SLX4IP: variants seen among roughly 807,000 people sequenced by gnomAD.
SLX4IP encodes the protein protein SLX4IP.
Under a neutral mutation model 32.9 loss-of-function variants are expected in SLX4IP, and 34 were observed. The ratio of observed to expected loss-of-function variants is 1.03; its 90% confidence interval spans 0.79 to 1.38. The LOEUF (loss-of-function observed/expected upper bound fraction) is 1.38, where lower values mean the gene tolerates loss of function less well. Ranked by LOEUF, SLX4IP falls within the 40% of genes most tolerant of loss-of-function variation. SLX4IP has a pLI of 0.00. For missense variants in SLX4IP, 444 were observed against 479.0 expected, an observed-to-expected ratio of 0.93 and a Z score of 0.68; for synonymous variants, 172 against 171.7, an observed-to-expected ratio of 1.00 and a Z score of -0.01.
chr20:10,557,175 C>G (rs116058009), intron 3 of SLX4IP, among the ~76,000 whole-genome samples: 1,638 of 152,136 alleles, frequency 0.011, 32 homozygotes, highest in African/African-American at 0.037. Context: ...TAGTATATGG[C>G]GAAGAAACTA....
intron 1 of SLX4IP, among the ~76,000 whole-genome samples, chr20:10,438,130 G>T (rs34200831): frequency 0.017 from 2,521 of 152,150 alleles, 32 homozygotes; most frequent in Non-Finnish European, 0.027. Flanking sequence ...CAGGGGAAAG[G>T]TATTACAGTT....
chr20:10,519,267 G>A (rs1294906550), intron 2 of SLX4IP, among the ~76,000 whole-genome samples: 1 of 152,106 alleles, frequency 6.6e-6, no homozygotes, highest in Non-Finnish European at 1.5e-5. Context: ...GTAGTTTTTA[G>A]TATCTTCACA....
At position 10,627,029 on chromosome 20, in the gene SLX4IP, G is replaced by A. The variant is rs1896732061; in HGVS notation, c.*3650G>A. 1 of 152,176 alleles carries A rather than the reference G, an allele frequency of 6.6e-6. No individual in the cohort carries two copies. Among genetic ancestry groups the A allele is most frequent in the African/African-American group, 2.4e-5 (1 of 41,428 alleles). The allele number at this position is 152,176 out of a possible 1,614,324, so 9.4% of individuals were successfully genotyped here. On this transcript the variant is annotated 3_prime_UTR_variant, in exon 8 of 8. Transcript: ENST00000334534. ...GCGAGGGCAGAACACATAAGGGAAG[G>A]AAACCTCTGCTCAAGAGAGTGGCCT...
chr20:10,530,131 A>T (rs1303751060), intron 2 of SLX4IP, among the ~76,000 whole-genome samples: 2 of 152,196 alleles, frequency 1.3e-5, no homozygotes, highest in Non-Finnish European at 2.9e-5. Flanking sequence ...TGTTTTGGGA[A>T]ACAATCGTGT....
chr20:10,548,299 C>T (rs1487213351), intron 2 of SLX4IP, among the ~76,000 whole-genome samples: 3 of 149,566 alleles, frequency 2.0e-5, no homozygotes, highest in Non-Finnish European at 4.5e-5. Flanking sequence ...AGTGCAGTGG[C>T]ATGATCTCGG....
intron 6 of SLX4IP, among the ~76,000 whole-genome samples, chr20:10,617,189 G>A (rs1487575269): frequency 6.6e-6 from 1 of 152,232 alleles, no homozygotes; most frequent in East Asian, 1.9e-4. Context: ...CACTGTACCA[G>A]TTTGTGTTTG....
chr20:10,482,751 A>G (rs1000869078), intron 2 of SLX4IP, among the ~76,000 whole-genome samples: 6 of 152,202 alleles, frequency 3.9e-5, no homozygotes, highest in African/African-American at 1.2e-4. Flanking sequence ...CAAATGGGCT[A>G]AGAGACCTTT....
chr20:10,466,064 A>T (rs1294519581), intron 2 of SLX4IP, among the ~76,000 whole-genome samples: 3 of 152,228 alleles, frequency 2.0e-5, no homozygotes, highest in Admixed American at 6.5e-5. Flanking sequence ...ATGGACACAT[A>T]ATGTAATAGT....
chr20:10,501,136 A>G (rs543178514), intron 2 of SLX4IP, among the ~76,000 whole-genome samples: 1 of 152,230 alleles, frequency 6.6e-6, no homozygotes, highest in Non-Finnish European at 1.5e-5. Context: ...AAGTTTAGCC[A>G]TATGTACTTA....
At chr20:10,447,212 C>T (rs2065209275) in intron 1 of SLX4IP, among the ~76,000 whole-genome samples, 1 of 152,232 alleles carries the variant, frequency 6.6e-6, no homozygotes, top group African/African-American at 2.4e-5. Flanking sequence ...GCATCAGTTT[C>T]ATAAATGCAT....
rs1424120766 is a variant in SLX4IP, at chr20:10,627,946, A to G, written c.*4567A>G. On this transcript the variant is annotated 3_prime_UTR_variant, in exon 8 of 8. Coordinates refer to ENST00000334534, the MANE Select transcript of SLX4IP (RefSeq NM_001009608.3). ...TTGTTATAAACTGTTTAAATAGTTC[A>G]AATGGTTGTGCATGCCTAGGGGATG... 2 of 150,772 alleles carry G rather than the reference A, an allele frequency of 1.3e-5. No homozygotes were observed. Among genetic ancestry groups the G allele is most frequent in the Non-Finnish European group, 2.9e-5 (2 of 68,024 alleles). The allele number at this position is 150,772 out of a possible 1,614,324, so 9.3% of individuals were successfully genotyped here.
intron 4 of SLX4IP, among the ~76,000 whole-genome samples, chr20:10,562,313 A>G (rs115481953): frequency 0.011 from 1,673 of 152,138 alleles, 34 homozygotes; most frequent in African/African-American, 0.038. Flanking sequence ...GTGAATGGAG[A>G]GGCCAGAAGG....
Position 10,458,803 on chromosome 20 carries a change from A to G in SLX4IP, c.27+572A>G, listed in dbSNP as rs193189244. On this transcript the variant is annotated intron_variant, in intron 2 of 7. Transcript: ENST00000334534. ...TTGATTCCATGTCTTTGCTATTGTG[A>G]CTAGTGCTGCAATGAACATACGCAT... 1.8e-3 allele frequency among the ~76,000 whole-genome samples: 267 copies of G among 152,154 alleles called. 2 individuals are homozygous for G. The highest frequency in any genetic ancestry group is 5.9e-3 in the African/African-American group (243 of 41,508).
chr20:10,504,789 A>T (rs1373770162), intron 2 of SLX4IP, among the ~76,000 whole-genome samples: 1 of 152,120 alleles, frequency 6.6e-6, no homozygotes, highest in African/African-American at 2.4e-5. Context: ...CGCAACACAC[A>T]CCCAGGAGGG....
At chr20:10,568,401 ACT>A (rs1435129538) in intron 4 of SLX4IP, among the ~76,000 whole-genome samples, 1 of 152,230 alleles carries the variant, frequency 6.6e-6, no homozygotes, top group East Asian at 1.9e-4. Context: ...TTCGCTGTTC[ACT>A]GAGATAGAAA....
chr20:10,542,118 C>T (rs1313208907), intron 2 of SLX4IP, among the ~76,000 whole-genome samples: 1 of 152,200 alleles, frequency 6.6e-6, no homozygotes, highest in Non-Finnish European at 1.5e-5. Context: ...TCAATCCTTT[C>T]CTGTGTAGTT....
intron 2 of SLX4IP, among the ~76,000 whole-genome samples, chr20:10,510,749 C>T (rs958463046): frequency 3.9e-5 from 6 of 151,916 alleles, no homozygotes; most frequent in East Asian, 1.9e-4. Context: ...GGACTACAGG[C>T]GCCCACCACC....
chr20:10,524,751 T>G (rs886748990), intron 2 of SLX4IP, among the ~76,000 whole-genome samples: 22 of 152,158 alleles, frequency 1.4e-4, no homozygotes, highest in African/African-American at 5.3e-4. Flanking sequence ...CATTTGATCT[T>G]ATCTTTTCAA....
chr20:10,619,058 T>C lies in SLX4IP; in HGVS notation c.406-2256T>C, dbSNP rs1035988687. On this transcript the variant is annotated intron_variant, in intron 6 of 7. Transcript: ENST00000334534. ...TAATGAGACCTGACAGCTCAGGGGC[T>C]GAAGAGGGAGTCTAATCTTTTTTTT... Among the ~76,000 whole-genome samples, 8 of 152,298 alleles carry C rather than the reference T, an allele frequency of 5.3e-5. No individual in the cohort carries two copies. In the South Asian group the frequency reaches 1.0e-3, roughly 20 times the overall value.
Sources: allele counts gnomAD v4.1 joint callset (sites outside exome capture counted in the v4.1 genomes callset), GRCh38; gene constraint gnomAD v4.1.1; transcripts MANE v1.5; gene names NCBI Gene and HGNC (gene_info 2026-07-23, HGNC 2026-07-21).